The following C5AR1 variants were observed in gnomAD, a reference collection of about 807,000 sequenced individuals.
C5AR1 encodes complement C5a receptor 1, also known as C5a anaphylatoxin chemotactic receptor 1.
In C5AR1, 4 loss-of-function variants were observed where a neutral mutation model predicts 2.4. That is an observed-to-expected ratio of 1.65 (90% CI 0.81 to 3.77). The LOEUF is 3.77. Ranked by LOEUF, C5AR1 falls within the 30% of genes most tolerant of loss-of-function variation. The pLI is 0.01. For missense variants in C5AR1, 418 were observed against 462.5 expected (o/e 0.90, Z 0.88); for synonymous variants, 209 against 210.4 (o/e 0.99, Z 0.06).
chr19:47,319,433 G>A lies in C5AR1; in HGVS notation c.4-348G>A, dbSNP rs997125950. On this transcript the variant is annotated intron_variant, in intron 1 of 1. Coordinates refer to ENST00000355085, the MANE Select transcript of C5AR1 (RefSeq NM_001736.4). Reference sequence around the variant, plus strand: ...AGGTGATCCTCCTACCTCAGCCTCCGGAGTAGCTGGGACTACAGGCAAGTG... The same window carrying A: ...AGGTGATCCTCCTACCTCAGCCTCCAGAGTAGCTGGGACTACAGGCAAGTG... 6.6e-5 allele frequency among the ~76,000 whole-genome samples: 10 copies of A among 150,454 alleles called. No homozygotes were observed. The South Asian group carries it at 1.1e-3, about 16-fold the overall frequency.
chr19:47,317,959 G>A (rs549126924), intron 1 of C5AR1, among the ~76,000 whole-genome samples: 198 of 137,560 alleles, frequency 1.4e-3, no homozygotes, highest in Non-Finnish European at 2.4e-3. Context: ...CCAGCGTGGC[G>A]ACAGAGTGAG....
At chr19:47,319,466 G>A (rs4464190) in intron 1 of C5AR1, among the ~76,000 whole-genome samples, 147,288 of 151,738 alleles carry the variant, frequency 0.97, 71,537 homozygotes, top group East Asian at 1. Flanking sequence ...GTGCAACCAC[G>A]CCTGGCTAAT....
chr19:47,316,109 G>A (rs1311579408), intron 1 of C5AR1, among the ~76,000 whole-genome samples: 2 of 151,842 alleles, frequency 1.3e-5, no homozygotes, highest in African/African-American at 2.4e-5. Context: ...AGGTTCAAGC[G>A]ATTCTCCTGC....
At chr19:47,308,800 A>T (rs2059261468), upstream of C5AR1, among the ~76,000 whole-genome samples, 2 of 139,200 alleles carry the variant, frequency 1.4e-5, no homozygotes, top group African/African-American at 5.5e-5. Context: ...TTTGAGACAG[A>T]GTCTTGCTTT....
In C5AR1 at chr19:47,320,424, T is replaced by C; in HGVS notation, c.647T>C (p.Leu216Pro). The C allele has an allele frequency of 6.2e-7, 1 of 1,611,028 alleles. No individual in the cohort carries two copies. The highest frequency in any genetic ancestry group is 8.5e-7 in the Non-Finnish European group (1 of 1,179,930). ...RLVLGFLWPL[L>P]TLTICYTFIL... is the part of the protein sequence containing the mutation. Reference sequence around the variant, plus strand: ...GTCCTGGGCTTCCTGTGGCCTCTACTCACGCTCACGATTTGTTACACTTTC... The same window carrying C: ...GTCCTGGGCTTCCTGTGGCCTCTACCCACGCTCACGATTTGTTACACTTTC... Residue 216 changes from leucine to proline, a missense_variant, in exon 2 of 2, where the codon CTC (leucine) becomes CCC (proline). Transcript: ENST00000355085. This position sits in a 1 kb window ranked among gnomAD's most constrained non-coding sequence, Gnocchi z 4.9.
intron 1 of C5AR1, among the ~76,000 whole-genome samples, chr19:47,314,361 C>T (rs2059279572): frequency 6.6e-6 from 1 of 152,170 alleles, no homozygotes; most frequent in Non-Finnish European, 1.5e-5. Context: ...AATGCAGCTA[C>T]CTACGTTTAT....
intron 1 of C5AR1, among the ~76,000 whole-genome samples, chr19:47,312,927 G>A (rs1483417668): frequency 1.3e-5 from 2 of 152,100 alleles, no homozygotes; most frequent in African/African-American, 4.8e-5. Flanking sequence ...ATGCTAGTAG[G>A]AGGTTTCATC....
rs527428633 is a variant in C5AR1, at chr19:47,318,299, C to CTT, written c.4-1471_4-1470dup. Among the ~76,000 whole-genome samples the CTT allele has an allele frequency of 5.0e-3, 716 of 143,870 alleles. 8 individuals are homozygous for CTT. Among genetic ancestry groups the CTT allele is most frequent in the African/African-American group, 0.017 (678 of 39,542 alleles). 94.4% of individuals were successfully genotyped at this position (143,870 alleles called of 152,430 possible). On this transcript the variant is annotated intron_variant, in intron 1 of 1. Coordinates refer to ENST00000355085, the MANE Select transcript of C5AR1 (RefSeq NM_001736.4). The stretch of plus-strand genomic sequence containing the variant: ...GCGAAATGGGCATTTTTTTTTCTTT[C>CTT]TTTTTTTTTTTTGAGGTGGAGTCTC...
rs147020352 is a variant in C5AR1 at position 47,310,712 on chromosome 19, G to A, written c.3+814G>A. On this transcript the variant is annotated intron_variant, in intron 1 of 1. Coordinates refer to ENST00000355085, the MANE Select transcript of C5AR1 (RefSeq NM_001736.4). ...GGTTCTTGCTATGTTGTCAGGGCTG[G>A]TCTCAAATTCCTGGCCTCAAGCCAT... Among the ~76,000 whole-genome samples the A allele has an allele frequency of 9.2e-3, 1,395 of 152,264 alleles. 14 individuals carry two copies. Among genetic ancestry groups the A allele is most frequent in the Middle Eastern group, 0.061 (18 of 294 alleles).
chr19:47,311,283 G>A (rs1230422927), intron 1 of C5AR1, among the ~76,000 whole-genome samples: 4 of 152,018 alleles, frequency 2.6e-5, no homozygotes, highest in South Asian at 2.1e-4. Flanking sequence ...AGACTGAGGC[G>A]GGCGGATCAC....
chr19:47,308,405 T>C (rs1466733363), upstream of C5AR1, among the ~76,000 whole-genome samples: 1 of 151,998 alleles, frequency 6.6e-6, no homozygotes, highest in Non-Finnish European at 1.5e-5. Flanking sequence ...TATGTTGAAT[T>C]GTATAATTAT....
At chr19:47,308,103 C>G (rs1008066963), upstream of C5AR1, among the ~76,000 whole-genome samples, 1 of 151,556 alleles carries the variant, frequency 6.6e-6, no homozygotes, top group South Asian at 2.1e-4. Context: ...GTCCCAGCTA[C>G]TCGGGAGGCT....
intron 1 of C5AR1, among the ~76,000 whole-genome samples, chr19:47,313,330 G>A (rs949207494): frequency 1.3e-5 from 2 of 152,142 alleles, no homozygotes; most frequent in African/African-American, 2.4e-5. Context: ...TATCTTGGCC[G>A]CCTGCCAGCC....
intron 1 of C5AR1, among the ~76,000 whole-genome samples, chr19:47,319,043 G>A (rs542840838): frequency 2.7e-5 from 4 of 150,550 alleles, no homozygotes; most frequent in Non-Finnish European, 4.4e-5. Flanking sequence ...CCACTACCAC[G>A]CCTGGCTAAT....
chr19:47,309,903 G>A lies in C5AR1; in HGVS notation c.3+5G>A, dbSNP rs201184675. 42 of 1,612,512 alleles carry A rather than the reference G, an allele frequency of 2.6e-5. No homozygotes were observed. The highest frequency in any genetic ancestry group is 3.3e-5 in the Admixed American group (2 of 59,878). ...AGCCCAGGAGACCAGAACATGGTGA[G>A]TCTCGAAGGGGAATGGGAGCAGGAA... On this transcript the variant is annotated splice_donor_5th_base_variant and intron_variant, in intron 1 of 1. Coordinates refer to ENST00000355085, the MANE Select transcript of C5AR1 (RefSeq NM_001736.4).
chr19:47,309,725 G>A, upstream of C5AR1: 1 of 566,832 alleles, frequency 1.8e-6, no homozygotes, highest in East Asian at 3.2e-5. Flanking sequence ...AGTCCCCTGG[G>A]TGTGTGCCCC....
intron 1 of C5AR1, among the ~76,000 whole-genome samples, chr19:47,316,024 T>A (rs1421787514): frequency 7.3e-6 from 1 of 137,886 alleles, no homozygotes; most frequent in African/African-American, 2.7e-5. Flanking sequence ...TTTTTTTTTT[T>A]AGACAGAGTC....
chr19:47,312,625 T>C (rs1267228717), intron 1 of C5AR1, among the ~76,000 whole-genome samples: 1 of 152,248 alleles, frequency 6.6e-6, no homozygotes, highest in East Asian at 1.9e-4. Context: ...CTAGCATTTA[T>C]TGAGTGCTTA....
intron 1 of C5AR1, among the ~76,000 whole-genome samples, chr19:47,311,078 C>G (rs2059268260): frequency 6.6e-6 from 1 of 152,128 alleles, no homozygotes; most frequent in Non-Finnish European, 1.5e-5. Context: ...TTGGATGGAC[C>G]AGGGAGGGGT....
Sources: gnomAD v4.1 joint callset for allele counts (sites outside exome capture counted in the v4.1 genomes callset) on GRCh38, gnomAD v4.1.1 for gene constraint, Gnocchi (gnomAD v3.1) non-coding constraint, MANE v1.5 for transcripts, NCBI Gene and HGNC (gene_info 2026-07-23, HGNC 2026-07-21) for gene names.